Variants in DENND2A observed in about 807,000 individuals in gnomAD.
DENND2A encodes DENN domain-containing protein 2A.
Under a neutral mutation model 105.3 loss-of-function variants are expected in DENND2A, and 53 were observed. That is an observed-to-expected ratio of 0.50 (90% CI 0.40 to 0.63). DENND2A has a LOEUF of 0.63. Among genes scored for constraint, DENND2A ranks in the 30% least tolerant of loss-of-function variants. DENND2A has a pLI of 0.00. For synonymous variants in DENND2A, 522 were observed against 508.4 expected, an observed-to-expected ratio of 1.03 and a Z score of -0.36; for missense variants, 1,138 against 1,279.6, an observed-to-expected ratio of 0.89 and a Z score of 1.69.
At chr7:140,545,658 T>G (rs1403481037) in intron 13 of DENND2A, among the ~76,000 whole-genome samples, 1 of 152,216 alleles carries the variant, frequency 6.6e-6, no homozygotes, top group East Asian at 1.9e-4. Context: ...TGAGCCACCG[T>G]GTACCCAGCC....
chr7:140,520,002 T>C (rs998882207), intron 18 of DENND2A, among the ~76,000 whole-genome samples: 1 of 152,008 alleles, frequency 6.6e-6, no homozygotes, highest in Non-Finnish European at 1.5e-5. Context: ...AGGCGGGCAG[T>C]TTTAAAGATG....
At chr7:140,555,290 C>A (rs753630104) in intron 12 of DENND2A, among the ~76,000 whole-genome samples, 2 of 152,022 alleles carry the variant, frequency 1.3e-5, no homozygotes, top group South Asian at 2.1e-4. Flanking sequence ...CCCGCCACCA[C>A]GCCTGGCTAA....
intron 1 of DENND2A, among the ~76,000 whole-genome samples, chr7:140,625,953 T>G (rs1354775365): frequency 1.3e-5 from 2 of 152,232 alleles, no homozygotes; most frequent in Non-Finnish European, 2.9e-5. Context: ...GAGCACTTAC[T>G]ATTCCCTAAG....
At chr7:140,525,330 T>A (rs1303773885) in intron 16 of DENND2A, among the ~76,000 whole-genome samples, 1 of 151,958 alleles carries the variant, frequency 6.6e-6, no homozygotes, top group Non-Finnish European at 1.5e-5. Context: ...AATTTTTGTA[T>A]TTTTAATAGA....
At chr7:140,623,828 G>A (rs750240489) in intron 1 of DENND2A, among the ~76,000 whole-genome samples, 7 of 151,912 alleles carry the variant, frequency 4.6e-5, no homozygotes, top group South Asian at 2.1e-4. Context: ...TTTCCTCCTC[G>A]CTTGCTTCCT....
chr7:140,571,686 T>G (rs1410589901), intron 6 of DENND2A, among the ~76,000 whole-genome samples: 1 of 152,160 alleles, frequency 6.6e-6, no homozygotes, highest in East Asian at 1.9e-4. Flanking sequence ...AAATGTGGTA[T>G]ATACATACGA....
At chr7:140,555,807 A>G (rs1208011738) in intron 11 of DENND2A, 94 bp from the exon 12 acceptor site, 1 of 970,414 alleles carries the variant, frequency 1.0e-6, no homozygotes, top group African/African-American at 1.7e-5. Context: ...CATGTGCCAG[A>G]TGTTTCCACA....
In DENND2A at chr7:140,524,860, G is replaced by A. The variant is rs1417875718; in HGVS notation, c.2547+891C>T. ...GCCTCTGGAGGTGCTGGGATTGTAAGTGTGCCCCGGCCAGGGCAAATATTC... is the reference window on the plus strand; with the variant it reads ...GCCTCTGGAGGTGCTGGGATTGTAAATGTGCCCCGGCCAGGGCAAATATTC... On this transcript the variant is annotated intron_variant, in intron 16 of 19. Coordinates refer to ENST00000496613, the MANE Select transcript of DENND2A (RefSeq NM_015689.5). Among the ~76,000 whole-genome samples, 3 of 150,372 alleles carry A rather than the reference G, an allele frequency of 2.0e-5. No individual in the cohort carries two copies. In the East Asian group the frequency reaches 5.8e-4, roughly 29 times the overall value.
At chr7:140,618,802 C>CT (rs886314678) in intron 1 of DENND2A, among the ~76,000 whole-genome samples, 243 of 146,756 alleles carry the variant, frequency 1.7e-3, no homozygotes, top group Middle Eastern at 3.6e-3. Flanking sequence ...TATATATTTC[C>CT]TTTTTTTTTT....
At chr7:140,526,918 C>T (rs1449965572) in intron 15 of DENND2A, among the ~76,000 whole-genome samples, 1 of 152,130 alleles carries the variant, frequency 6.6e-6, no homozygotes, top group Non-Finnish European at 1.5e-5. Context: ...ACTGGACACC[C>T]AGAACTTGGG....
Position 140,518,756 on chromosome 7 carries a change from G to A in DENND2A, c.2999-18C>T, listed in dbSNP as rs1194867149. ...TTTATTGCCTAAAAAAAAGGAAAAT[G>A]AGAACATTTCACAAGGCAGACAAAG... On this transcript the variant is annotated intron_variant, in intron 19 of 19. Transcript: ENST00000496613. 2 of 1,611,894 alleles carry A rather than the reference G, an allele frequency of 1.2e-6. No homozygotes were observed. The highest frequency in any genetic ancestry group is 2.7e-5 in the African/African-American group (2 of 74,900).
chr7:140,554,769 C>T (rs1430448979), intron 12 of DENND2A, among the ~76,000 whole-genome samples: 1 of 152,040 alleles, frequency 6.6e-6, no homozygotes, highest in African/African-American at 2.4e-5. Context: ...TCCAGAATAC[C>T]GGGGTAGATG....
At chr7:140,520,339 C>T (rs897348352) in intron 18 of DENND2A, among the ~76,000 whole-genome samples, 1 of 151,892 alleles carries the variant, frequency 6.6e-6, no homozygotes, top group East Asian at 1.9e-4. Context: ...CCGGACTGTC[C>T]TGGCTTGGGA....
chr7:140,580,644 T>A (rs1339741343), intron 5 of DENND2A, among the ~76,000 whole-genome samples: 1 of 151,884 alleles, frequency 6.6e-6, no homozygotes, highest in African/African-American at 2.4e-5. Flanking sequence ...TATTATTATT[T>A]ATTTATTTTT....
chr7:140,569,888 A>T (rs899044137), intron 6 of DENND2A, 150 bp from the exon 7 acceptor site: 1 of 589,198 alleles, frequency 1.7e-6, no homozygotes, highest in Admixed American at 3.1e-5. Context: ...GTGTCTTTCA[A>T]TCATTTTTTT....
intron 14 of DENND2A, among the ~76,000 whole-genome samples, chr7:140,535,236 C>G (rs1796415795): frequency 6.6e-6 from 1 of 152,154 alleles, no homozygotes; most frequent in South Asian, 2.1e-4. Flanking sequence ...CCTTTAGTAT[C>G]CCAAGCAAAG....
chr7:140,567,987 C>A (rs1006390124), intron 8 of DENND2A, among the ~76,000 whole-genome samples: 1 of 152,150 alleles, frequency 6.6e-6, no homozygotes, highest in African/African-American at 2.4e-5. Flanking sequence ...GTTGCCCAGG[C>A]TGGAGTGCAA....
intron 3 of DENND2A, among the ~76,000 whole-genome samples, chr7:140,590,665 G>A (rs571925375): frequency 1.3e-5 from 2 of 152,178 alleles, no homozygotes; most frequent in Admixed American, 1.3e-4. Context: ...AGGAGTTCAA[G>A]GCCAGCCTGG....
intron 11 of DENND2A, among the ~76,000 whole-genome samples, chr7:140,557,641 G>A (rs1457505235): frequency 7.4e-6 from 1 of 134,746 alleles, no homozygotes; most frequent in Non-Finnish European, 1.6e-5. Context: ...CCGGGTTCAC[G>A]CCATTCTCCT....
Sources: allele counts gnomAD v4.1 joint callset (sites outside exome capture counted in the v4.1 genomes callset), GRCh38; gene constraint gnomAD v4.1.1; transcripts MANE v1.5; gene names NCBI Gene and HGNC (gene_info 2026-07-23, HGNC 2026-07-21).